Variants in SEMA3C observed in about 807,000 individuals in gnomAD.
SEMA3C encodes the protein semaphorin 3C.
Under a neutral mutation model 89.4 loss-of-function variants are expected in SEMA3C, and 47 were observed. The ratio of observed to expected loss-of-function variants is 0.53; its 90% CI spans 0.42 to 0.67. The LOEUF is 0.67. SEMA3C is among the 30% of genes least tolerant of loss of function. SEMA3C has a pLI of 0.00. For synonymous variants in SEMA3C, 310 were observed against 320.2 expected (o/e 0.97, Z 0.34); for missense variants, 839 against 929.1 (o/e 0.90, Z 1.26).
chr7:80,801,931 T>A (rs573727894), intron 9 of SEMA3C, among the ~76,000 whole-genome samples: 9 of 152,242 alleles, frequency 5.9e-5, no homozygotes, highest in African/African-American at 2.2e-4. Flanking sequence ...CAGTAAATTT[T>A]TTCCACATGG....
upstream of SEMA3C, among the ~76,000 whole-genome samples, chr7:80,921,416 AT>A (rs1482607770): frequency 6.6e-6 from 1 of 152,154 alleles, no homozygotes; most frequent in Non-Finnish European, 1.5e-5. Flanking sequence ...ACAGAGTGGA[AT>A]TTTAACAGTG....
chr7:80,746,565 A>C (rs1787804123), intron 17 of SEMA3C, among the ~76,000 whole-genome samples: 1 of 152,126 alleles, frequency 6.6e-6, no homozygotes, highest in Non-Finnish European at 1.5e-5. Context: ...ATATACTCTC[A>C]CATGTGTGCA....
intron 16 of SEMA3C, among the ~76,000 whole-genome samples, chr7:80,749,524 C>A (rs146787254): frequency 9.2e-5 from 14 of 152,162 alleles, no homozygotes; most frequent in Non-Finnish European, 1.9e-4. Context: ...AGTATTGTGG[C>A]CTTGGTGGAA....
intron 14 of SEMA3C, among the ~76,000 whole-genome samples, chr7:80,760,355 T>C (rs995644450): frequency 6.6e-6 from 1 of 152,172 alleles, no homozygotes; most frequent in Non-Finnish European, 1.5e-5. Context: ...TGCTACTTTC[T>C]CTTTCCATTA....
intron 2 of SEMA3C, among the ~76,000 whole-genome samples, chr7:80,865,321 A>T (rs1790899878): frequency 6.6e-6 from 1 of 152,170 alleles, no homozygotes; most frequent in Non-Finnish European, 1.5e-5. Context: ...TAGACTTAAT[A>T]ACACTTAGCT....
At chr7:80,919,373 T>C, upstream of SEMA3C, 2 of 985,348 alleles carry the variant, frequency 2.0e-6, no homozygotes, top group Non-Finnish European at 2.4e-6. Flanking sequence ...AGCAACTTGC[T>C]GGGTGCGCTC....
chr7:80,830,834 G>T (rs542838684), intron 2 of SEMA3C, among the ~76,000 whole-genome samples: 1 of 152,236 alleles, frequency 6.6e-6, no homozygotes, highest in East Asian at 1.9e-4. Context: ...CCTTCATGAG[G>T]AGAGCACGTA....
chr7:80,842,729 G>A (rs912502806), intron 2 of SEMA3C, among the ~76,000 whole-genome samples: 3 of 152,056 alleles, frequency 2.0e-5, no homozygotes, highest in African/African-American at 7.2e-5. Context: ...CTGGGGTGGT[G>A]TTATTTGAGG....
At chr7:80,831,802 TA>T (rs1790014233) in intron 2 of SEMA3C, among the ~76,000 whole-genome samples, 2 of 152,164 alleles carry the variant, frequency 1.3e-5, no homozygotes, top group Admixed American at 1.3e-4. Context: ...AGGTTTTGGC[TA>T]GGGGTAGAGG....
chr7:80,841,064 C>G (rs1463139894), intron 2 of SEMA3C, among the ~76,000 whole-genome samples: 1 of 152,064 alleles, frequency 6.6e-6, no homozygotes, highest in Non-Finnish European at 1.5e-5. Flanking sequence ...TCAGCAGAAA[C>G]AAGGAGCCAA....
At chr7:80,863,130 G>C (rs73374826) in intron 2 of SEMA3C, among the ~76,000 whole-genome samples, 15,121 of 151,992 alleles carry the variant, frequency 0.099, 1,080 homozygotes, top group African/African-American at 0.19. Flanking sequence ...AAAAGGAACA[G>C]CTGAAGCTGG....
intron 12 of SEMA3C, 23 bp from the exon 13 acceptor site, chr7:80,765,266 G>A: frequency 6.5e-7 from 1 of 1,536,972 alleles, no homozygotes; most frequent in South Asian, 1.1e-5. Flanking sequence ...AAGAAGAAAT[G>A]AGATGTTACA....
At chr7:80,879,459 G>C (rs1205808116) in intron 2 of SEMA3C, among the ~76,000 whole-genome samples, 1 of 152,142 alleles carries the variant, frequency 6.6e-6, no homozygotes, top group Non-Finnish European at 1.5e-5. Flanking sequence ...TAAGGTTGTA[G>C]GCACCTGATT....
intron 2 of SEMA3C, among the ~76,000 whole-genome samples, chr7:80,863,855 A>ATGTATGTGATATGTAT (rs1562911984): frequency 6.8e-6 from 1 of 146,828 alleles, no homozygotes; most frequent in East Asian, 2.0e-4. Flanking sequence ...CATATCACAT[A>ATGTATGTGATATGTAT]CATATGTATC....
intron 9 of SEMA3C, 99 bp from the exon 10 acceptor site, chr7:80,800,925 C>T: frequency 1.5e-6 from 1 of 654,078 alleles, no homozygotes; most frequent in South Asian, 2.3e-5. Flanking sequence ...GAAAAGTACT[C>T]TGCAAAAAGA....
At chr7:80,914,502 T>C (rs138540138) in intron 2 of SEMA3C, among the ~76,000 whole-genome samples, 1 of 151,742 alleles carries the variant, frequency 6.6e-6, no homozygotes, top group East Asian at 1.9e-4. Context: ...AACTTGTCTA[T>C]GTAGTTCATT....
intron 1 of SEMA3C, 83 bp downstream of exon 1, chr7:80,918,745 C>A: frequency 1.2e-6 from 1 of 823,456 alleles, no homozygotes; most frequent in Non-Finnish European, 1.5e-6. Flanking sequence ...TTGAGCATAC[C>A]AATGTATGAA....
intron 15 of SEMA3C, among the ~76,000 whole-genome samples, chr7:80,755,512 TATA>T (rs965067388): frequency 3.3e-5 from 5 of 151,650 alleles, no homozygotes; most frequent in African/African-American, 1.2e-4. Flanking sequence ...CCTTACATTA[TATA>T]ATAACTGGTA....
At chr7:80,754,270 A>G (rs1788004781) in intron 15 of SEMA3C, among the ~76,000 whole-genome samples, 1 of 152,102 alleles carries the variant, frequency 6.6e-6, no homozygotes, top group Admixed American at 6.6e-5. Flanking sequence ...AACGGAGACT[A>G]TTGAGCCAAT....
Sources: gnomAD v4.1 joint callset for allele counts (sites outside exome capture counted in the v4.1 genomes callset) on GRCh38, gnomAD v4.1.1 for gene constraint, MANE v1.5 for transcripts, NCBI Gene and HGNC (gene_info 2026-07-23, HGNC 2026-07-21) for gene names.